The following LCORL variants were observed in gnomAD, a reference collection of about 807,000 sequenced individuals.
LCORL encodes ligand-dependent nuclear receptor corepressor-like protein.
LCORL carries 41 observed loss-of-function variants against 141.8 expected under a neutral mutation model. That is an observed-to-expected ratio of 0.29 (90% CI 0.23 to 0.38). LCORL has a LOEUF of 0.38. LCORL is among the 10% of genes least tolerant of loss of function. The pLI is 1.00. For missense variants in LCORL, 1,759 were observed against 2,035.0 expected (o/e 0.86, Z 2.61); for synonymous variants, 618 against 694.1 (o/e 0.89, Z 1.72).
intron 1 of LCORL, among the ~76,000 whole-genome samples, chr4:18,011,714 G>A (rs1304905642): frequency 2.0e-5 from 3 of 152,078 alleles, no homozygotes; most frequent in East Asian, 1.9e-4. Flanking sequence ...TTACTGAAAC[G>A]CAGCCATGCT....
chr4:17,905,179 T>C lies in LCORL; in HGVS notation c.682+3915A>G, dbSNP rs77895360. Among the ~76,000 whole-genome samples the C allele has an allele frequency of 4.1e-4, 62 of 152,274 alleles. No individual in the cohort carries two copies. In the East Asian group the frequency reaches 0.011, roughly 28 times the overall value. ...CTCATCAAATGTTTAAAACTGATGA[T>C]AGTGTGCATTTTTTGTGTTATCTTT... On this transcript the variant is annotated intron_variant, in intron 5 of 7. Coordinates refer to ENST00000635767, the Ensembl canonical transcript of LCORL.
chr4:17,921,776 C>A (rs1436150634), intron 4 of LCORL, among the ~76,000 whole-genome samples: 1 of 152,028 alleles, frequency 6.6e-6, no homozygotes, highest in Non-Finnish European at 1.5e-5. Flanking sequence ...GAAGACCCAC[C>A]CTCAGTCTGG....
rs1713237042 is a variant in LCORL, at chr4:17,958,979, CT to C, written c.430+2923del. On this transcript the variant is annotated intron_variant, in intron 4 of 7. Coordinates refer to ENST00000635767, the Ensembl canonical transcript of LCORL. ...ATATACAAAATTAGTTAAAGTTCAC[CT>C]TTGTCCTAGAACATCCTCCTCTGCA... Among the ~76,000 whole-genome samples, 3 of 152,114 alleles carry C rather than the reference CT, an allele frequency of 2.0e-5. No homozygotes were observed. The South Asian group carries it at 6.2e-4, about 32-fold the overall frequency.
At chr4:18,018,833 T>C (rs1329957459) in intron 1 of LCORL, among the ~76,000 whole-genome samples, 1 of 152,198 alleles carries the variant, frequency 6.6e-6, no homozygotes, top group Non-Finnish European at 1.5e-5. Flanking sequence ...ATAAAAATGA[T>C]TGTAAGCAAT....
At chr4:17,933,316 G>A (rs1035872345) in intron 4 of LCORL, among the ~76,000 whole-genome samples, 1 of 152,158 alleles carries the variant, frequency 6.6e-6, no homozygotes, top group Middle Eastern at 3.4e-3. Context: ...TTACACCTGT[G>A]TTGGACTTTT....
At chr4:17,854,114 T>C (rs1724083840) in intron 7 of LCORL, among the ~76,000 whole-genome samples, 1 of 152,000 alleles carries the variant, frequency 6.6e-6, no homozygotes, top group Non-Finnish European at 1.5e-5. Context: ...ATAAGGATGT[T>C]GGTAAGCTGG....
At chr4:17,911,662 T>C in intron 4 of LCORL, 1 of 491,592 alleles carries the variant, frequency 2.0e-6, no homozygotes, top group Non-Finnish European at 4.1e-6. Context: ...CTCACTCTCC[T>C]CCCTGGACAG....
At chr4:17,892,539 T>G (rs1360367272) in intron 5 of LCORL, among the ~76,000 whole-genome samples, 1 of 152,168 alleles carries the variant, frequency 6.6e-6, no homozygotes, top group African/African-American at 2.4e-5. Context: ...GAAGGTTATT[T>G]TCTTCCCGAT....
At position 17,964,476 on chromosome 4, in the gene LCORL, G is replaced by A. The variant is rs1196518666; in HGVS notation, c.221-1427C>T. Among the ~76,000 whole-genome samples, 3 of 151,444 alleles carry A rather than the reference G, an allele frequency of 2.0e-5. No homozygotes were observed. The East Asian group carries it at 5.9e-4, about 30-fold the overall frequency. ...TTTTTAATCCTATATGATTGTATGT[G>A]ATTTAATAAGGTCAGTTTGCAGAAA... is the stretch of plus-strand genomic sequence containing the variant. On this transcript the variant is annotated intron_variant, in intron 2 of 7. Coordinates refer to ENST00000635767, the Ensembl canonical transcript of LCORL.
chr4:17,862,202 A>C (rs1725093021), intron 7 of LCORL, among the ~76,000 whole-genome samples: 1 of 152,366 alleles, frequency 6.6e-6, no homozygotes, highest in South Asian at 2.1e-4. Context: ...AAAGGAAAGA[A>C]GCTTAATGGA....
exon 8 of LCORL, chr4:17,843,492 A>C: frequency 6.5e-7 from 1 of 1,549,302 alleles, no homozygotes; most frequent in Non-Finnish European, 8.8e-7. Flanking sequence ...AGAAGAAGTT[A>C]CCCTTGTCAA....
chr4:17,935,662 G>A (rs1736732456), intron 4 of LCORL, among the ~76,000 whole-genome samples: 1 of 151,968 alleles, frequency 6.6e-6, no homozygotes, highest in African/African-American at 2.4e-5. Flanking sequence ...TCCACCTTCT[G>A]CCATTACTAT....
At chr4:17,866,258 T>G (rs1302176645) in intron 7 of LCORL, among the ~76,000 whole-genome samples, 1 of 152,184 alleles carries the variant, frequency 6.6e-6, no homozygotes, top group Admixed American at 6.5e-5. Context: ...CAGCTTAGCT[T>G]AATGGCCATT....
At chr4:17,978,579 C>CAAAA (rs202146842) in intron 1 of LCORL, among the ~76,000 whole-genome samples, 221 of 125,246 alleles carry the variant, frequency 1.8e-3, no homozygotes, top group African/African-American at 3.9e-3. Context: ...GACCTTGTCT[C>CAAAA]AAAAAAAAAA....
intron 1 of LCORL, among the ~76,000 whole-genome samples, chr4:18,020,315 G>C (rs1316155130): frequency 6.6e-6 from 1 of 152,044 alleles, no homozygotes; most frequent in African/African-American, 2.4e-5. Context: ...TAAGAGAGTT[G>C]TTTTCTTAAG....
At chr4:17,853,458 C>T (rs1008279121) in intron 7 of LCORL, among the ~76,000 whole-genome samples, 4 of 152,044 alleles carry the variant, frequency 2.6e-5, no homozygotes, top group East Asian at 1.9e-4. Context: ...GAATAATGTT[C>T]GGGCATAGAC....
chr4:17,875,614 A>G (rs1378136140), exon 7 of LCORL: 7 of 1,231,120 alleles, frequency 5.7e-6, no homozygotes, highest in Non-Finnish European at 7.1e-6. Context: ...GATATGAGAC[A>G]TTCTGGGCTT....
chr4:17,995,190 A>G (rs1388471493), intron 1 of LCORL, among the ~76,000 whole-genome samples: 1 of 142,094 alleles, frequency 7.0e-6, no homozygotes, highest in Non-Finnish European at 1.5e-5. Context: ...GGTAACCACT[A>G]CCTTTCTTTT....
intron 4 of LCORL, among the ~76,000 whole-genome samples, chr4:17,955,324 A>G (rs1712377978): frequency 6.6e-6 from 1 of 152,186 alleles, no homozygotes; most frequent in African/African-American, 2.4e-5. Flanking sequence ...TGATAAAACA[A>G]TTTCAGTGGA....
Sources: gnomAD v4.1 joint callset for allele counts (sites outside exome capture counted in the v4.1 genomes callset) on GRCh38, gnomAD v4.1.1 for gene constraint, MANE v1.5 for transcripts, NCBI Gene and HGNC (gene_info 2026-07-23, HGNC 2026-07-21) for gene names.